The following RORA variants were observed in gnomAD, a reference collection of about 807,000 sequenced individuals.
The protein encoded by RORA is nuclear receptor ROR-alpha.
Under a neutral mutation model 69.5 loss-of-function variants are expected in RORA, and 7 were observed. The observed-to-expected ratio is 0.10, with a 90% CI of 0.06 to 0.19. The LOEUF is 0.19. RORA is among the 10% of genes least tolerant of loss of function. The probability of loss-of-function intolerance (pLI) is 1.00; values close to 1 mark genes in which losing one functional copy is unlikely to be tolerated. For synonymous variants in RORA, 261 were observed against 240.8 expected (o/e 1.08, Z -0.78); for missense variants, 457 against 663.0 (o/e 0.69, Z 3.41).
chr15:61,224,225 C>T (rs557150759), intron 1 of RORA, among the ~76,000 whole-genome samples: 4 of 152,148 alleles, frequency 2.6e-5, no homozygotes, highest in African/African-American at 7.2e-5. Flanking sequence ...AATCTGTGAG[C>T]GAGCAGATGA....
At chr15:61,092,186 T>A (rs1363379273) in intron 1 of RORA, among the ~76,000 whole-genome samples, 2 of 152,266 alleles carry the variant, frequency 1.3e-5, no homozygotes, top group Non-Finnish European at 2.9e-5. Context: ...ACCTATATTG[T>A]TTAGTTTTAT....
intron 1 of RORA, among the ~76,000 whole-genome samples, chr15:60,815,588 C>A (rs1031093406): frequency 3.9e-5 from 6 of 151,904 alleles, no homozygotes; most frequent in Non-Finnish European, 8.8e-5. Flanking sequence ...ATAAGCAGAC[C>A]CAGCTTCCCC....
intron 1 of RORA, among the ~76,000 whole-genome samples, chr15:60,720,420 A>G (rs1567168467): frequency 6.6e-6 from 1 of 152,250 alleles, no homozygotes; most frequent in Admixed American, 6.5e-5. Context: ...TGAAAAACCC[A>G]GACTGTCCAA....
At chr15:61,195,177 A>G (rs1390374625) in intron 1 of RORA, among the ~76,000 whole-genome samples, 1 of 152,108 alleles carries the variant, frequency 6.6e-6, no homozygotes, top group Non-Finnish European at 1.5e-5. Context: ...GTAAGATTTT[A>G]GGTTGTCAGC....
intron 1 of RORA, among the ~76,000 whole-genome samples, chr15:61,021,565 T>A (rs879285202): frequency 2.6e-5 from 4 of 152,220 alleles, no homozygotes; most frequent in African/African-American, 9.6e-5. Flanking sequence ...ACAGGGAACC[T>A]GACCCTGGAT....
intron 1 of RORA, among the ~76,000 whole-genome samples, chr15:61,227,645 G>A (rs574187994): frequency 6.6e-6 from 1 of 151,772 alleles, no homozygotes; most frequent in Admixed American, 6.6e-5. Flanking sequence ...CTACAACATC[G>A]AGAGGAAGGG....
chr15:60,597,539 ACACACACAC>A lies in RORA; in HGVS notation c.197-65697_197-65689del, dbSNP rs1567115055. Reference sequence around the variant, plus strand: ...CACACACACACACACACACACACACACACACACACAACATATATATATATATATATATAT... The same window carrying A: ...CACACACACACACACACACACACACAAACATATATATATATATATATATAT... On this transcript the variant is annotated intron_variant, in intron 2 of 10. Coordinates refer to ENST00000335670, the MANE Select transcript of RORA (RefSeq NM_134261.3). Among the ~76,000 whole-genome samples, 4 of 69,852 alleles carry A rather than the reference ACACACACAC, an allele frequency of 5.7e-5. 1 individual carries two copies. The highest frequency in any genetic ancestry group is 1.8e-4 in the African/African-American group (3 of 16,510). The allele number at this position is 69,852 out of a possible 152,430, so 45.8% of individuals were successfully genotyped here.
At chr15:60,631,642 G>A (rs945613063) in intron 2 of RORA, among the ~76,000 whole-genome samples, 2 of 152,096 alleles carry the variant, frequency 1.3e-5, no homozygotes, top group African/African-American at 4.8e-5. Flanking sequence ...AAAAAATGTA[G>A]AGCTTTTAAC....
intron 1 of RORA, among the ~76,000 whole-genome samples, chr15:60,694,869 C>G (rs987032784): frequency 4.6e-5 from 7 of 152,188 alleles, no homozygotes; most frequent in African/African-American, 1.7e-4. Context: ...AAATTCAGGT[C>G]TACAGGGCCA....
intron 2 of RORA, among the ~76,000 whole-genome samples, chr15:60,549,407 G>A (rs1249285243): frequency 1.3e-5 from 2 of 152,116 alleles, no homozygotes; most frequent in African/African-American, 4.8e-5. Context: ...AAGGCATCAC[G>A]GAATAGGCTA....
intron 1 of RORA, among the ~76,000 whole-genome samples, chr15:60,728,517 C>T (rs1479526179): frequency 6.6e-6 from 1 of 152,164 alleles, no homozygotes; most frequent in Non-Finnish European, 1.5e-5. Context: ...AATATCCCTA[C>T]TAAGTAAATC....
chr15:60,917,570 C>T lies in RORA; in HGVS notation c.167-238884G>A, dbSNP rs183136821. Among the ~76,000 whole-genome samples, 588 of 152,314 alleles carry T rather than the reference C, an allele frequency of 3.9e-3. 3 individuals carry two copies. The highest frequency in any genetic ancestry group is 7.5e-3 in the Admixed American group (114 of 15,302). On this transcript the variant is annotated intron_variant, in intron 1 of 10. Transcript: ENST00000335670. ...ATTTTCCTAACTGACGAGGCATCCA[C>T]GAGCAGCTCTATCTGGGAGAAAGTA...
At chr15:61,207,418 T>C (rs935934380) in intron 1 of RORA, among the ~76,000 whole-genome samples, 1 of 152,182 alleles carries the variant, frequency 6.6e-6, no homozygotes, top group African/African-American at 2.4e-5. Flanking sequence ...TTGAGGAGCA[T>C]CCAGAATACT....
chr15:61,149,707 T>G (rs956222824), intron 1 of RORA, among the ~76,000 whole-genome samples: 7 of 152,206 alleles, frequency 4.6e-5, no homozygotes, highest in African/African-American at 1.7e-4. Context: ...TATTCTGGAA[T>G]AGCTATTTAT....
rs189774600 is a variant in RORA, at chr15:60,855,867, G to A, written c.167-177181C>T. Among the ~76,000 whole-genome samples the A allele has an allele frequency of 5.3e-5, 8 of 152,240 alleles. No individual in the cohort carries two copies. The East Asian group carries it at 1.2e-3, about 22-fold the overall frequency. ...CCTGACAACGTGATCCATCCACCTC[G>A]GCCTCCCAAAGTGCTGGGATTACAG... is the stretch of plus-strand genomic sequence containing the variant. On this transcript the variant is annotated intron_variant, in intron 1 of 10. Transcript: ENST00000335670.
chr15:61,183,327 G>T (rs2079706199), intron 1 of RORA, among the ~76,000 whole-genome samples: 1 of 152,162 alleles, frequency 6.6e-6, no homozygotes, highest in East Asian at 1.9e-4. Flanking sequence ...CTGAGGTCAG[G>T]CGTTCCAGGC....
chr15:60,851,733 T>A (rs374610865), intron 1 of RORA, among the ~76,000 whole-genome samples: 8 of 149,640 alleles, frequency 5.3e-5, no homozygotes, highest in South Asian at 2.1e-4. Flanking sequence ...TGAGAGAGAG[T>A]GTGTGTGTGT....
intron 1 of RORA, among the ~76,000 whole-genome samples, chr15:60,773,137 G>T (rs375272320): frequency 6.6e-6 from 1 of 152,176 alleles, no homozygotes; most frequent in African/African-American, 2.4e-5. Context: ...GCACCTGAAG[G>T]TTGTGAGGAT....
At chr15:61,104,231 A>G (rs1323210840) in intron 1 of RORA, among the ~76,000 whole-genome samples, 1 of 152,232 alleles carries the variant, frequency 6.6e-6, no homozygotes, top group African/African-American at 2.4e-5. Context: ...CCTTCACGCT[A>G]TGCAGACAGG....
Sources: allele counts gnomAD v4.1 joint callset (sites outside exome capture counted in the v4.1 genomes callset), GRCh38; gene constraint gnomAD v4.1.1; transcripts MANE v1.5; gene names NCBI Gene and HGNC (gene_info 2026-07-23, HGNC 2026-07-21).